The following GADL1 variants were observed in gnomAD, a reference collection of about 807,000 sequenced individuals.
The protein encoded by GADL1 is acidic amino acid decarboxylase GADL1.
Under a neutral mutation model 69.5 loss-of-function variants are expected in GADL1, and 71 were observed. The ratio of observed to expected loss-of-function variants is 1.02; its 90% CI spans 0.84 to 1.25. The LOEUF is 1.25. Ranked by LOEUF, GADL1 falls within the 50% of genes most tolerant of loss-of-function variation. The pLI, the probability that GADL1 is intolerant of heterozygous loss-of-function variation, is 0.00. For synonymous variants in GADL1, 254 were observed against 214.4 expected, an observed-to-expected ratio of 1.18 and a Z score of -1.62; for missense variants, 737 against 631.8, an observed-to-expected ratio of 1.17 and a Z score of -1.79.
intron 9 of GADL1, among the ~76,000 whole-genome samples, chr3:30,836,553 T>C (rs1456400063): frequency 6.6e-6 from 1 of 152,134 alleles, no homozygotes; most frequent in Non-Finnish European, 1.5e-5. Context: ...AAGCTATTAC[T>C]ATATGTGAGG....
intron 11 of GADL1, among the ~76,000 whole-genome samples, chr3:30,816,704 C>A (rs1411538770): frequency 6.6e-6 from 1 of 151,712 alleles, no homozygotes; most frequent in African/African-American, 2.4e-5. Flanking sequence ...TGCCACCATC[C>A]CTGGCTACTT....
intron 8 of GADL1, among the ~76,000 whole-genome samples, chr3:30,843,729 G>T (rs530609550): frequency 1.3e-5 from 2 of 152,320 alleles, no homozygotes; most frequent in South Asian, 4.1e-4. Flanking sequence ...AACAGGGGTT[G>T]ATAGTAATAG....
chr3:30,762,101 G>C (rs1386174288), intron 14 of GADL1, among the ~76,000 whole-genome samples: 1 of 152,130 alleles, frequency 6.6e-6, no homozygotes, highest in Non-Finnish European at 1.5e-5. Flanking sequence ...CCCTGCTTAG[G>C]AACCCATGTT....
At chr3:30,891,886 C>A (rs1698792786) in intron 1 of GADL1, among the ~76,000 whole-genome samples, 1 of 151,728 alleles carries the variant, frequency 6.6e-6, no homozygotes, top group Admixed American at 6.6e-5. Context: ...AAATTTTGGT[C>A]CCAAATGTCA....
At chr3:30,815,180 G>T (rs996255457) in intron 11 of GADL1, among the ~76,000 whole-genome samples, 4 of 151,910 alleles carry the variant, frequency 2.6e-5, no homozygotes, top group African/African-American at 9.7e-5. Flanking sequence ...AATTTTCATT[G>T]TTCCCCCGAT....
intron 14 of GADL1, among the ~76,000 whole-genome samples, chr3:30,734,707 A>G (rs1336045227): frequency 6.6e-6 from 1 of 152,228 alleles, no homozygotes; most frequent in Non-Finnish European, 1.5e-5. Flanking sequence ...AACCCACAAT[A>G]TAGAAGCTTT....
chr3:30,736,027 T>A (rs1177221691), intron 14 of GADL1, among the ~76,000 whole-genome samples: 1 of 152,156 alleles, frequency 6.6e-6, no homozygotes, highest in Non-Finnish European at 1.5e-5. Context: ...ACATTTTGGA[T>A]CCATTTTTAA....
chr3:30,756,541 TG>T (rs1695974854), intron 14 of GADL1, among the ~76,000 whole-genome samples: 1 of 152,180 alleles, frequency 6.6e-6, no homozygotes. Context: ...AGCCTGGTCT[TG>T]GAATTTGCTT....
chr3:30,854,895 C>G, intron 3 of GADL1, 106 bp from the exon 4 acceptor site: 1 of 651,600 alleles, frequency 1.5e-6, no homozygotes, highest in Admixed American at 2.8e-5. Context: ...CAGACACACA[C>G]AGAAGAGTTA....
chr3:30,728,352 G>A lies in GADL1; in HGVS notation c.1456C>T (p.His486Tyr), dbSNP rs1198145778. The stretch of plus-strand genomic sequence containing the variant: ...CGGAAGAAGTTGACCTTTCCCCGGT[G>A]CGGCTGGTAGCCCAGCATCAAGCTT... ...KGSLMLGYQP[H>Y]RGKVNFFRQV... The change falls in exon 15 of 15, where the codon CAC becomes TAC. Residue 486 changes from histidine to tyrosine, a missense_variant. His to Tyr is a moderately conservative substitution (Grantham distance 83). Coordinates refer to ENST00000282538, the MANE Select transcript of GADL1 (RefSeq NM_207359.3). 10 of 1,613,862 alleles carry A rather than the reference G, an allele frequency of 6.2e-6. No individual in the cohort carries two copies. The highest frequency in any genetic ancestry group is 7.6e-6 in the Non-Finnish European group (9 of 1,179,836).
At chr3:30,772,428 A>G (rs1696438004) in intron 14 of GADL1, among the ~76,000 whole-genome samples, 2 of 152,358 alleles carry the variant, frequency 1.3e-5, no homozygotes, top group African/African-American at 2.4e-5. Context: ...AAAACAAACT[A>G]GTGGAATTTT....
Position 30,856,394 on chromosome 3 carries a change from A to G in GADL1, c.337+621T>C, listed in dbSNP as rs537539136. Among the ~76,000 whole-genome samples the G allele has an allele frequency of 3.2e-4, 49 of 152,184 alleles. No homozygotes were observed. In the East Asian group the frequency reaches 3.5e-3, roughly 11 times the overall value. ...TGCCTCAGTGTAAGATTGACATCAC[A>G]TTACTGCACGTACAAAGTTCACAGT... On this transcript the variant is annotated intron_variant, in intron 3 of 14. Transcript: ENST00000282538.
chr3:30,851,360 C>T (rs1175057587), intron 4 of GADL1, among the ~76,000 whole-genome samples: 2 of 152,144 alleles, frequency 1.3e-5, no homozygotes, highest in African/African-American at 4.8e-5. Context: ...CATGAGTATG[C>T]TAACAGTCCC....
At chr3:30,865,241 C>G (rs1293718777) in intron 1 of GADL1, among the ~76,000 whole-genome samples, 4 of 151,370 alleles carry the variant, frequency 2.6e-5, no homozygotes, top group African/African-American at 9.7e-5. Flanking sequence ...GCTTTGATTC[C>G]AGAGCAGTGA....
chr3:30,860,656 T>G (rs905493518), intron 2 of GADL1, among the ~76,000 whole-genome samples: 8 of 152,024 alleles, frequency 5.3e-5, no homozygotes, highest in African/African-American at 1.9e-4. Context: ...CTTTTAAAAA[T>G]GATACTTATT....
At chr3:30,776,001 G>A (rs1322559144) in intron 14 of GADL1, among the ~76,000 whole-genome samples, 1 of 152,052 alleles carries the variant, frequency 6.6e-6, no homozygotes, top group Non-Finnish European at 1.5e-5. Context: ...TGTGGGAATC[G>A]CTTGAACCCG....
rs764024313 is a variant in GADL1 at position 30,728,428 on chromosome 3, A to G, written c.1393-13T>C. 1 of 1,610,828 alleles carries G rather than the reference A, an allele frequency of 6.2e-7. No homozygotes were observed. Among genetic ancestry groups the G allele is most frequent in the Non-Finnish European group, 8.5e-7 (1 of 1,177,844 alleles). ...TGGCTGGGGCCACCTGTGTGGGGAG[A>G]AAAGGGGAGAGGGGTGAAAGACCAG... On this transcript the variant is annotated splice_polypyrimidine_tract_variant and intron_variant, in intron 14 of 14. Coordinates refer to ENST00000282538, the MANE Select transcript of GADL1 (RefSeq NM_207359.3).
At chr3:30,811,533 ACT>A (rs1391841991) in intron 11 of GADL1, among the ~76,000 whole-genome samples, 1 of 152,162 alleles carries the variant, frequency 6.6e-6, no homozygotes, top group Admixed American at 6.5e-5. Context: ...TGTTTTTCAA[ACT>A]CTGACTAGAA....
At chr3:30,801,233 AG>A (rs1167222424) in intron 11 of GADL1, 145 bp from the exon 12 acceptor site, 1 of 638,560 alleles carries the variant, frequency 1.6e-6, no homozygotes, top group Non-Finnish European at 2.7e-6. Flanking sequence ...AGACACAATC[AG>A]TGTACATTGA....
Sources: allele counts gnomAD v4.1 joint callset (sites outside exome capture counted in the v4.1 genomes callset), GRCh38; gene constraint gnomAD v4.1.1; transcripts MANE v1.5; gene names NCBI Gene and HGNC (gene_info 2026-07-23, HGNC 2026-07-21).